The following CR1L variants were observed in gnomAD, a reference collection of about 807,000 sequenced individuals.
The protein encoded by CR1L is complement component receptor 1-like protein.
CR1L carries 59 observed loss-of-function variants against 62.3 expected under a neutral mutation model. That is an observed-to-expected ratio of 0.95 (90% CI 0.77 to 1.18). The LOEUF is 1.18. CR1L is among the 50% of genes most tolerant of loss of function. The probability of loss-of-function intolerance (pLI) is 0.00; values close to 1 mark genes in which losing one functional copy is unlikely to be tolerated. For missense variants in CR1L, 700 were observed against 702.8 expected (o/e 1.00, Z 0.04); for synonymous variants, 279 against 248.7 (o/e 1.12, Z -1.15).
In CR1L at chr1:207,697,613, A is replaced by T; in HGVS notation, c.973A>T (p.Arg325Ter). Residue 325 changes from arginine (R) to a stop codon, truncating the protein, a stop_gained, in exon 6 of 12, where the codon AGA becomes TGA. Transcript: ENST00000508064. LOFTEE classifies it high-confidence loss of function. ...FYSCEPGYDL[R>*]GSTYLHCTPQ... ...CAGCTGTGAGCCCGGCTACGACCTC[A>T]GAGGATCTACGTATTTGCACTGCAC... The T allele has an allele frequency of 6.2e-7, 1 of 1,613,984 alleles. No homozygotes were observed. The highest frequency in any genetic ancestry group is 1.7e-5 in the Admixed American group (1 of 60,020).
rs1350958341 is a variant in CR1L, at chr1:207,697,961, AAGAC to A, written c.1142+102_1142+105del. The A allele has an allele frequency of 1.3e-3, 1,966 of 1,467,142 alleles. 1 individual carries two copies. The highest frequency in any genetic ancestry group is 2.7e-3 in the Admixed American group (156 of 57,674). 90.9% of individuals were successfully genotyped at this position (1,467,142 alleles called of 1,614,324 possible). A position where few individuals can be genotyped will look rare whatever the true frequency, so the allele number is the denominator to read the frequency against. On this transcript the variant is annotated intron_variant, in intron 7 of 11. Transcript: ENST00000508064. ...GGGGAGATTTGATGTGGCTTAAAAA[AAGAC>A]AGACAGACAGACACACACACACACA...
intron 1 of CR1L, among the ~76,000 whole-genome samples, chr1:207,664,747 C>G (rs931488130): frequency 2.0e-5 from 3 of 152,084 alleles, no homozygotes; most frequent in African/African-American, 7.2e-5. Context: ...AAAAGAGAAA[C>G]TACAGGGGTA....
chr1:207,667,608 C>T (rs1478041328), intron 1 of CR1L, among the ~76,000 whole-genome samples: 2 of 152,186 alleles, frequency 1.3e-5, no homozygotes, highest in Non-Finnish European at 2.9e-5. Flanking sequence ...ATTATTCAGC[C>T]TACCACGCAC....
intron 1 of CR1L, among the ~76,000 whole-genome samples, chr1:207,648,672 T>C (rs1663174405): frequency 6.6e-6 from 1 of 152,146 alleles, no homozygotes; most frequent in South Asian, 2.1e-4. Context: ...TCCTGTTGTG[T>C]GTGGTCTCTT....
At chr1:207,688,677 C>T (rs1480976390) in intron 4 of CR1L, among the ~76,000 whole-genome samples, 1 of 152,132 alleles carries the variant, frequency 6.6e-6, no homozygotes, top group African/African-American at 2.4e-5. Flanking sequence ...TAGACATTAA[C>T]AAATTTAGTT....
At chr1:207,649,133 G>C (rs1318913180) in intron 1 of CR1L, among the ~76,000 whole-genome samples, 1 of 152,168 alleles carries the variant, frequency 6.6e-6, no homozygotes, top group East Asian at 1.9e-4. Flanking sequence ...TGCTTCCCAG[G>C]GGGAGGCAGA....
chr1:207,654,654 G>C (rs1410894739), intron 1 of CR1L, among the ~76,000 whole-genome samples: 1 of 152,150 alleles, frequency 6.6e-6, no homozygotes, highest in Non-Finnish European at 1.5e-5. Context: ...GCTAAAACTC[G>C]TGTAGCACTC....
At chr1:207,682,261 C>A (rs900441875) in intron 3 of CR1L, among the ~76,000 whole-genome samples, 1 of 151,896 alleles carries the variant, frequency 6.6e-6, no homozygotes, top group African/African-American at 2.4e-5. Flanking sequence ...CACCTGAGGT[C>A]AGGAATTCAA....
intron 5 of CR1L, among the ~76,000 whole-genome samples, chr1:207,697,118 A>C (rs1366151845): frequency 6.6e-6 from 1 of 152,190 alleles, no homozygotes; most frequent in East Asian, 1.9e-4. Flanking sequence ...AAAATGCAAG[A>C]CGAAATTGGT....
intron 1 of CR1L, chr1:207,655,183 C>A: frequency 3.4e-6 from 2 of 596,056 alleles, no homozygotes; most frequent in Non-Finnish European, 3.1e-6. Context: ...TTTCTTTTCC[C>A]ATTTAGTTAT....
chr1:207,669,518 G>C (rs1389721618), intron 1 of CR1L: 21 of 1,580,738 alleles, frequency 1.3e-5, no homozygotes, highest in Non-Finnish European at 1.7e-5. Context: ...TGCTGCGGAG[G>C]ATCCCTGCTG....
chr1:207,660,012 G>T (rs6686325), intron 1 of CR1L, among the ~76,000 whole-genome samples: 3 of 152,138 alleles, frequency 2.0e-5, no homozygotes, highest in African/African-American at 4.8e-5. Flanking sequence ...TAAACAAAGC[G>T]CCAGGGAAGC....
At chr1:207,709,024 A>G (rs572264486) in intron 10 of CR1L, 1 of 314,806 alleles carries the variant, frequency 3.2e-6, no homozygotes, top group Non-Finnish European at 6.2e-6. Flanking sequence ...TGTAAGTATC[A>G]TGTTTATTAT....
intron 9 of CR1L, among the ~76,000 whole-genome samples, chr1:207,704,814 AC>A (rs1664244727): frequency 6.6e-6 from 1 of 152,242 alleles, no homozygotes. Context: ...CAACTTTTAG[AC>A]TCACTGAAAA....
At chr1:207,700,160 T>C (rs777798488) in intron 8 of CR1L, among the ~76,000 whole-genome samples, 15 of 152,210 alleles carry the variant, frequency 9.9e-5, no homozygotes, top group African/African-American at 3.6e-4. Context: ...TTGGAAAACA[T>C]GTTTCTTTAG....
rs141464809 is a variant in CR1L at position 207,692,581 on chromosome 1, T to C, written c.464-1772T>C. On this transcript the variant is annotated intron_variant, in intron 4 of 11. Transcript: ENST00000508064. ...CCGTGACCACCTCTCAGTCGCAGCATGACTGCCTGGAACATGTGCCTGCTT... is the reference window on the plus strand; with the variant it reads ...CCGTGACCACCTCTCAGTCGCAGCACGACTGCCTGGAACATGTGCCTGCTT... Among the ~76,000 whole-genome samples the C allele has an allele frequency of 1.8e-3, 270 of 152,166 alleles. 3 individuals are homozygous for C. In the East Asian group the frequency reaches 0.018, roughly 10 times the overall value.
intron 1 of CR1L, among the ~76,000 whole-genome samples, chr1:207,661,547 A>G (rs1174261445): frequency 2.0e-5 from 3 of 152,044 alleles, no homozygotes; most frequent in East Asian, 3.8e-4. Context: ...GTCTCTGCAC[A>G]TGAGATGGGT....
intron 3 of CR1L, among the ~76,000 whole-genome samples, chr1:207,682,378 A>G (rs1663812994): frequency 6.6e-6 from 1 of 152,130 alleles, no homozygotes; most frequent in South Asian, 2.1e-4. Context: ...AGGCTGAGGC[A>G]GGAGAATCAC....
chr1:207,711,958 C>T (rs1353807119), intron 10 of CR1L, among the ~76,000 whole-genome samples: 2 of 151,950 alleles, frequency 1.3e-5, no homozygotes, highest in Non-Finnish European at 2.9e-5. Context: ...TTGAAGCGGG[C>T]TTACAGGAGT....
Sources: allele counts gnomAD v4.1 joint callset (sites outside exome capture counted in the v4.1 genomes callset), GRCh38; gene constraint gnomAD v4.1.1; transcripts MANE v1.5; gene names NCBI Gene and HGNC (gene_info 2026-07-23, HGNC 2026-07-21).